CSGALNACT1: variants seen among roughly 807,000 people sequenced by gnomAD.
CSGALNACT1 encodes the protein chondroitin sulfate N-acetylgalactosaminyltransferase 1, also known as beta4GalNAcT-1.
Under a neutral mutation model 51.0 loss-of-function variants are expected in CSGALNACT1, and 52 were observed. The ratio of observed to expected loss-of-function variants is 1.02; its 90% confidence interval spans 0.82 to 1.29. CSGALNACT1 has a LOEUF of 1.29. CSGALNACT1 is among the 50% of genes most tolerant of loss of function. The pLI, the probability that CSGALNACT1 is intolerant of heterozygous loss-of-function variation, is 0.00. For synonymous variants in CSGALNACT1, 341 were observed against 254.4 expected (o/e 1.34, Z -3.24); for missense variants, 935 against 679.2 (o/e 1.38, Z -4.19).
At chr8:19,490,990 A>T (rs1441826436) in intron 4 of CSGALNACT1, among the ~76,000 whole-genome samples, 1 of 152,210 alleles carries the variant, frequency 6.6e-6, no homozygotes, top group Non-Finnish European at 1.5e-5. Flanking sequence ...ACATGATTCA[A>T]GCACTGCCAT....
rs554078294 is a variant in CSGALNACT1 at position 19,591,549 on chromosome 8, G to A, written c.-415-271C>T. ...GATTAGGTAGGAACTTTGGCTACAAGCCAAACCATCTTAATTGTAGAAAGG... is the reference window on the plus strand; with the variant it reads ...GATTAGGTAGGAACTTTGGCTACAAACCAAACCATCTTAATTGTAGAAAGG... On this transcript the variant is annotated intron_variant, in intron 2 of 9. Coordinates refer to ENST00000454498, the Ensembl canonical transcript of CSGALNACT1. Among the ~76,000 whole-genome samples, 3 of 152,294 alleles carry A rather than the reference G, an allele frequency of 2.0e-5. No homozygotes were observed. In the South Asian group the frequency reaches 6.2e-4, roughly 32 times the overall value.
intron 6 of CSGALNACT1, among the ~76,000 whole-genome samples, chr8:19,421,205 C>T (rs1328365870): frequency 2.0e-5 from 3 of 152,132 alleles, no homozygotes; most frequent in Non-Finnish European, 4.4e-5. Flanking sequence ...CTTCACTATC[C>T]CACAGGGTTA....
At chr8:19,639,389 C>T (rs890096458) in intron 1 of CSGALNACT1, among the ~76,000 whole-genome samples, 5 of 152,124 alleles carry the variant, frequency 3.3e-5, no homozygotes, top group African/African-American at 1.2e-4. Flanking sequence ...TCCCAATTTT[C>T]CACAGAATGG....
At position 19,574,867 on chromosome 8, in the gene CSGALNACT1, T is replaced by C. The variant is rs574678444; in HGVS notation, c.-297+16293A>G. Among the ~76,000 whole-genome samples the C allele has an allele frequency of 9.2e-5, 14 of 152,186 alleles. No individual in the cohort carries two copies. In the East Asian group the frequency reaches 2.5e-3, roughly 27 times the overall value. ...CTGGCCCATGTGGTGAAATCCCGTC[T>C]CTACTAAAAACACAAAAATTAGCTG... On this transcript the variant is annotated intron_variant, in intron 3 of 9. Transcript: ENST00000454498.
At chr8:19,463,093 G>C (rs142995743) in intron 4 of CSGALNACT1, among the ~76,000 whole-genome samples, 1 of 152,190 alleles carries the variant, frequency 6.6e-6, no homozygotes, top group East Asian at 1.9e-4. Context: ...TCCGGTTTCT[G>C]CATTCACTTA....
chr8:19,449,501 C>G (rs1037190909), intron 5 of CSGALNACT1, among the ~76,000 whole-genome samples: 3 of 152,138 alleles, frequency 2.0e-5, no homozygotes, highest in African/African-American at 7.2e-5. Context: ...ACCAGCCTCA[C>G]TATAACATTC....
At chr8:19,581,735 T>A (rs2045621900) in intron 3 of CSGALNACT1, among the ~76,000 whole-genome samples, 1 of 152,200 alleles carries the variant, frequency 6.6e-6, no homozygotes, top group African/African-American at 2.4e-5. Flanking sequence ...CAGCAACATA[T>A]TAATACATAC....
chr8:19,701,853 T>C (rs898459643), intron 1 of CSGALNACT1, among the ~76,000 whole-genome samples: 1 of 152,176 alleles, frequency 6.6e-6, no homozygotes, highest in East Asian at 1.9e-4. Context: ...CACTACAAGA[T>C]GATAATATCA....
intron 2 of CSGALNACT1, among the ~76,000 whole-genome samples, chr8:19,597,322 G>T (rs532331327): frequency 3.2e-4 from 31 of 98,220 alleles, no homozygotes; most frequent in African/African-American, 1.4e-3. Context: ...TGGAGAGGAG[G>T]TCTTGCTGTG....
At position 19,599,558 on chromosome 8, in the gene CSGALNACT1, A is replaced by C. The variant is rs550869277; in HGVS notation, c.-416+2213T>G. On this transcript the variant is annotated intron_variant, in intron 2 of 9. Transcript: ENST00000454498. ...GAAAAAGAAGGAAAGAAAGAAGGAA[A>C]GGGAAAGAAAGAAAGAGAGAGAAAG... is the stretch of plus-strand genomic sequence containing the variant. Among the ~76,000 whole-genome samples the C allele has an allele frequency of 1.7e-4, 26 of 151,894 alleles. No homozygotes were observed. The South Asian group carries it at 5.0e-3, about 29-fold the overall frequency.
At chr8:19,513,048 C>T (rs1339654933) in intron 3 of CSGALNACT1, among the ~76,000 whole-genome samples, 1 of 152,148 alleles carries the variant, frequency 6.6e-6, no homozygotes, top group Non-Finnish European at 1.5e-5. Context: ...GGAAAACCAT[C>T]CCTAGCCCTT....
At chr8:19,487,511 C>A (rs1481374700) in intron 4 of CSGALNACT1, among the ~76,000 whole-genome samples, 1 of 152,088 alleles carries the variant, frequency 6.6e-6, no homozygotes, top group Non-Finnish European at 1.5e-5. Flanking sequence ...AAACTAGAAT[C>A]TAATCGCTAT....
chr8:19,727,290 C>G (rs560634935), intron 1 of CSGALNACT1, among the ~76,000 whole-genome samples: 1 of 151,970 alleles, frequency 6.6e-6, no homozygotes, highest in Admixed American at 6.6e-5. Flanking sequence ...TGACAGGCTG[C>G]ACCTAGTAAT....
At chr8:19,514,350 C>T (rs912653666) in intron 3 of CSGALNACT1, among the ~76,000 whole-genome samples, 4 of 151,578 alleles carry the variant, frequency 2.6e-5, no homozygotes, top group Non-Finnish European at 4.4e-5. Flanking sequence ...GGACAGCTGC[C>T]TTGGTGGCCC....
chr8:19,577,412 A>G (rs1203626138), intron 3 of CSGALNACT1, among the ~76,000 whole-genome samples: 13 of 151,718 alleles, frequency 8.6e-5, no homozygotes, highest in Non-Finnish European at 1.9e-4. Context: ...AAAAAAAAAA[A>G]AAGCCTAGTA....
At chr8:19,588,477 CA>C (rs1174600954) in intron 3 of CSGALNACT1, among the ~76,000 whole-genome samples, 1 of 152,184 alleles carries the variant, frequency 6.6e-6, no homozygotes, top group East Asian at 1.9e-4. Context: ...ATATCCTATA[CA>C]AATACTGATT....
chr8:19,473,829 G>C (rs2068766490), intron 4 of CSGALNACT1, among the ~76,000 whole-genome samples: 1 of 152,128 alleles, frequency 6.6e-6, no homozygotes, highest in Admixed American at 6.5e-5. Flanking sequence ...ACTTCTAAAT[G>C]ACAGAGAAAC....
intron 3 of CSGALNACT1, among the ~76,000 whole-genome samples, chr8:19,539,727 A>G (rs1252907889): frequency 6.6e-6 from 1 of 152,216 alleles, no homozygotes; most frequent in East Asian, 1.9e-4. Context: ...TGAGAAAAAA[A>G]TGGAAACAAG....
At chr8:19,574,291 C>G (rs1274941444) in intron 3 of CSGALNACT1, among the ~76,000 whole-genome samples, 3 of 152,336 alleles carry the variant, frequency 2.0e-5, no homozygotes, top group Middle Eastern at 6.8e-3. Context: ...TGGAAACCAT[C>G]TCTCCTGCAG....
Sources: allele counts gnomAD v4.1 joint callset (sites outside exome capture counted in the v4.1 genomes callset), GRCh38; gene constraint gnomAD v4.1.1; transcripts MANE v1.5; gene names NCBI Gene and HGNC (gene_info 2026-07-23, HGNC 2026-07-21).